The following IQCK variants were observed in gnomAD, a reference collection of about 807,000 sequenced individuals.
IQCK encodes IQ domain-containing protein K.
A neutral mutation model predicts 28.1 loss-of-function variants in IQCK; 29 were observed. That is an observed-to-expected ratio of 1.03 (90% CI 0.77 to 1.41). IQCK has a LOEUF of 1.41. IQCK is among the 40% of genes most tolerant of loss of function. IQCK has a pLI of 0.00. For missense variants in IQCK, 359 were observed against 314.7 expected, an observed-to-expected ratio of 1.14 and a Z score of -1.07; for synonymous variants, 113 against 115.1, an observed-to-expected ratio of 0.98 and a Z score of 0.12.
exon 10 of IQCK, chr16:19,857,914 C>T (rs1257397449): frequency 2.0e-5 from 3 of 152,752 alleles, no homozygotes; most frequent in Non-Finnish European, 4.4e-5. Flanking sequence ...GCTAGAATGA[C>T]AATTTTCTAT....
chr16:19,825,205 T>C lies in IQCK; in HGVS notation c.691-1821T>C, dbSNP rs1322470754. 6.6e-6 allele frequency among the ~76,000 whole-genome samples: 1 copy of C among 152,308 alleles called. No individual in the cohort carries two copies. The highest frequency in any genetic ancestry group is 3.4e-3 in the Middle Eastern group (1 of 294). On this transcript the variant is annotated intron_variant, in intron 7 of 7. Transcript: ENST00000564186. The surrounding 1 kb of genome is among the most constrained non-coding windows in gnomAD (Gnocchi z 4.2). ...CATGGAGATAATCATTCCTGCCTTA[T>C]TGGCTTGGCTTAGTGATTCAAATTT...
intron 4 of IQCK, among the ~76,000 whole-genome samples, chr16:19,750,973 A>G (rs2054978745): frequency 6.6e-6 from 1 of 152,024 alleles, no homozygotes; most frequent in African/African-American, 2.4e-5. Context: ...GGGCTGTGGC[A>G]GGTACGGTGA....
chr16:19,799,635 CA>C lies in IQCK; in HGVS notation c.690+10714del, dbSNP rs1567561717. On this transcript the variant is annotated intron_variant, in intron 7 of 7. Coordinates refer to ENST00000564186, the Ensembl canonical transcript of IQCK. ...ACACACACACACACACACACACACACACACACCCAGTGAATACATTGAGTCA... is the reference window on the plus strand; with the variant it reads ...ACACACACACACACACACACACACACCACACCCAGTGAATACATTGAGTCA... Among the ~76,000 whole-genome samples the C allele has an allele frequency of 1.7e-3, 232 of 139,792 alleles. 28 individuals are homozygous for C. Among genetic ancestry groups the C allele is most frequent in the African/African-American group, 5.5e-3 (171 of 30,992 alleles). The allele number at this position is 139,792 out of a possible 152,430, so 91.7% of individuals were successfully genotyped here.
intron 4 of IQCK, among the ~76,000 whole-genome samples, chr16:19,747,500 T>G (rs2054927400): frequency 6.6e-6 from 1 of 152,142 alleles, no homozygotes; most frequent in African/African-American, 2.4e-5. Flanking sequence ...CCTTTTTTTT[T>G]TTTTTAAGTA....
chr16:19,827,211 C>A, downstream of IQCK: 3 of 1,070,936 alleles, frequency 2.8e-6, no homozygotes, highest in Non-Finnish European at 4.3e-6. Flanking sequence ...AAGAAGGAGG[C>A]CCTCTGAGCT....
intron 7 of IQCK, among the ~76,000 whole-genome samples, chr16:19,813,200 G>A (rs1348881462): frequency 6.6e-6 from 1 of 152,208 alleles, no homozygotes; most frequent in Non-Finnish European, 1.5e-5. Context: ...TGGAAAAGCA[G>A]TTAAGAGACA....
chr16:19,818,053 C>G (rs2056013022), intron 7 of IQCK, among the ~76,000 whole-genome samples: 1 of 147,692 alleles, frequency 6.8e-6, no homozygotes, highest in South Asian at 2.1e-4. Flanking sequence ...CCGATAAACA[C>G]GAGCCTGTGG....
intron 1 of IQCK, among the ~76,000 whole-genome samples, chr16:19,727,597 CA>C (rs10617965): frequency 0.011 from 1,307 of 122,912 alleles, 24 homozygotes; most frequent in African/African-American, 0.04. Context: ...CCCCCCCCCC[CA>C]AAAAAAAAGA....
intron 7 of IQCK, among the ~76,000 whole-genome samples, chr16:19,811,310 G>A (rs981524206): frequency 6.6e-6 from 1 of 152,190 alleles, no homozygotes; most frequent in Admixed American, 6.5e-5. Context: ...ATGGTCTCTA[G>A]CATAGCAAAC....
chr16:19,763,542 A>G (rs2151709739), intron 4 of IQCK, among the ~76,000 whole-genome samples: 2 of 152,296 alleles, frequency 1.3e-5, no homozygotes, highest in East Asian at 3.9e-4. Flanking sequence ...TCCCAGGTTC[A>G]AGCAATTCTC....
Position 19,825,181 on chromosome 16 carries a change from A to G in IQCK, c.691-1845A>G, listed in dbSNP as rs374997966. ...AAAACTCAGTTATCTCATCTGTAAC[A>G]TGGAGATAATCATTCCTGCCTTATT... On this transcript the variant is annotated intron_variant, in intron 7 of 7. Transcript: ENST00000564186. This position sits in a 1 kb window ranked among gnomAD's most constrained non-coding sequence, Gnocchi z 4.2. 7.2e-5 allele frequency among the ~76,000 whole-genome samples: 11 copies of G among 152,314 alleles called. No homozygotes were observed. The South Asian group carries it at 1.2e-3, about 17-fold the overall frequency.
chr16:19,745,233 C>A (rs1396120521), intron 4 of IQCK, among the ~76,000 whole-genome samples: 1 of 152,204 alleles, frequency 6.6e-6, no homozygotes, highest in Non-Finnish European at 1.5e-5. Flanking sequence ...CACTGACACA[C>A]TCAGTGAATC....
intron 9 of IQCK, among the ~76,000 whole-genome samples, chr16:19,850,258 T>C (rs1056926193): frequency 6.6e-6 from 1 of 152,154 alleles, no homozygotes; most frequent in East Asian, 1.9e-4. Context: ...CTTGACCCTG[T>C]AGAGTTTTAA....
intron 4 of IQCK, chr16:19,735,687 T>A: frequency 2.0e-6 from 1 of 498,342 alleles, no homozygotes; most frequent in Non-Finnish European, 3.6e-6. Context: ...TTGCTTGGCC[T>A]CCTGCCTGCC....
chr16:19,825,626 G>C lies in IQCK; in HGVS notation c.691-1400G>C, dbSNP rs946177657. On this transcript the variant is annotated intron_variant, in intron 7 of 7. Coordinates refer to ENST00000564186, the Ensembl canonical transcript of IQCK. This position sits in a 1 kb window ranked among gnomAD's most constrained non-coding sequence, Gnocchi z 4.2. ...GAGCCCAGGAGTTTGAGACCAGCCTGGGCAACATGGCAAGACTCTTTCTCT... is the reference window on the plus strand; with the variant it reads ...GAGCCCAGGAGTTTGAGACCAGCCTCGGCAACATGGCAAGACTCTTTCTCT... Among the ~76,000 whole-genome samples, 1 of 152,012 alleles carries C rather than the reference G, an allele frequency of 6.6e-6. No individual in the cohort carries two copies. The highest frequency in any genetic ancestry group is 6.6e-5 in the Admixed American group (1 of 15,236).
At chr16:19,721,223 C>CT (rs145986521) in intron 1 of IQCK, among the ~76,000 whole-genome samples, 4,613 of 152,274 alleles carry the variant, frequency 0.03, 214 homozygotes, top group African/African-American at 0.1. Flanking sequence ...ACTACATTCT[C>CT]TTAAGATAAT....
At chr16:19,766,615 T>C (rs1437651998) in intron 6 of IQCK, among the ~76,000 whole-genome samples, 1 of 152,236 alleles carries the variant, frequency 6.6e-6, no homozygotes, top group Non-Finnish European at 1.5e-5. Context: ...TGGATAATTC[T>C]TTGCTGTAAG....
intron 9 of IQCK, among the ~76,000 whole-genome samples, chr16:19,846,273 C>T (rs973560833): frequency 2.0e-5 from 3 of 152,184 alleles, no homozygotes; most frequent in Non-Finnish European, 4.4e-5. Context: ...AAAGCCGGAG[C>T]TGCCTTCTCC....
intron 9 of IQCK, among the ~76,000 whole-genome samples, chr16:19,835,103 A>G (rs559309619): frequency 1.4e-4 from 21 of 152,172 alleles, no homozygotes; most frequent in Admixed American, 1.2e-3. Flanking sequence ...CGTCTCTACT[A>G]AAAATACAAA....
Sources: gnomAD v4.1 joint callset for allele counts (sites outside exome capture counted in the v4.1 genomes callset) on GRCh38, gnomAD v4.1.1 for gene constraint, Gnocchi (gnomAD v3.1) non-coding constraint, MANE v1.5 for transcripts, NCBI Gene and HGNC (gene_info 2026-07-23, HGNC 2026-07-21) for gene names.